PDE1C: variants seen among roughly 807,000 people sequenced by gnomAD.
The protein encoded by PDE1C is phosphodiesterase 1C.
PDE1C carries 62 observed loss-of-function variants against 93.1 expected under a neutral mutation model. That is an observed-to-expected ratio of 0.67 (90% confidence interval 0.54 to 0.82). The LOEUF is 0.82. Ranked by LOEUF, PDE1C falls within the 40% of genes least tolerant of loss-of-function variation. The pLI, the probability that PDE1C is intolerant of heterozygous loss-of-function variation, is 0.00. For missense variants in PDE1C, 742 were observed against 884.6 expected (o/e 0.84, Z 2.04); for synonymous variants, 325 against 310.1 (o/e 1.05, Z -0.50).
intron 3 of PDE1C, among the ~76,000 whole-genome samples, chr7:32,076,756 C>T (rs1392152211): frequency 6.6e-6 from 1 of 151,818 alleles, no homozygotes; most frequent in Admixed American, 6.6e-5. Flanking sequence ...GTCCATTGAG[C>T]CCCCTGATCC....
At chr7:31,719,259 G>T in the PDE1C span, among the ~76,000 whole-genome samples, 1 of 152,178 alleles carries the variant, frequency 6.6e-6, no homozygotes, top group East Asian at 1.9e-4. Flanking sequence ...ACTCGAGATG[G>T]ACCTCGCAAG....
chr7:31,951,976 A>G (rs112516936), intron 2 of PDE1C, among the ~76,000 whole-genome samples: 1 of 152,160 alleles, frequency 6.6e-6, no homozygotes, highest in Non-Finnish European at 1.5e-5. Flanking sequence ...AAAAGCTACA[A>G]ATTTGTGAGT....
At chr7:31,959,199 G>GTTGT (rs138410002) in intron 2 of PDE1C, among the ~76,000 whole-genome samples, 2,861 of 151,624 alleles carry the variant, frequency 0.019, 85 homozygotes, top group African/African-American at 0.063. Context: ...TTTTTGTTTT[G>GTTGT]TTGTTTGTTT....
At chr7:31,791,083 C>G (rs1178724439) in intron 16 of PDE1C, among the ~76,000 whole-genome samples, 1 of 152,038 alleles carries the variant, frequency 6.6e-6, no homozygotes, top group African/African-American at 2.4e-5. Context: ...ATGTTAGAAG[C>G]CTTTACAGGA....
intron 16 of PDE1C, among the ~76,000 whole-genome samples, chr7:31,779,605 G>C (rs1783247924): frequency 6.6e-6 from 1 of 152,148 alleles, no homozygotes; most frequent in Non-Finnish European, 1.5e-5. Flanking sequence ...TATCAGGACA[G>C]GGATGAAGCC....
chr7:32,299,936 C>CA (rs1812841402), upstream of PDE1C, among the ~76,000 whole-genome samples: 1 of 152,188 alleles, frequency 6.6e-6, no homozygotes, highest in Non-Finnish European at 1.5e-5. Context: ...TGTGAGACTA[C>CA]AATTAATTTA....
At chr7:31,998,920 C>T (rs1018757791) in intron 2 of PDE1C, among the ~76,000 whole-genome samples, 1 of 152,210 alleles carries the variant, frequency 6.6e-6, no homozygotes, top group Non-Finnish European at 1.5e-5. Flanking sequence ...CAGGTCACAG[C>T]TGAGGTTGCT....
chr7:31,656,368 TAG>T, the PDE1C span: 278 of 349,358 alleles, frequency 8.0e-4, 2 homozygotes, highest in East Asian at 0.021. Context: ...AAAAACAACA[TAG>T]AGTTGTTGGA....
At chr7:31,806,744 C>A (rs1471593349) in intron 16 of PDE1C, among the ~76,000 whole-genome samples, 1 of 151,884 alleles carries the variant, frequency 6.6e-6, no homozygotes, top group Non-Finnish European at 1.5e-5. Context: ...TACCCAGATA[C>A]TCCCTCTCAA....
chr7:32,123,474 CA>C (rs1799408850), intron 3 of PDE1C, among the ~76,000 whole-genome samples: 1 of 151,676 alleles, frequency 6.6e-6, no homozygotes, highest in Non-Finnish European at 1.5e-5. Flanking sequence ...AAAACACCGG[CA>C]AACCACTGGC....
the PDE1C span, chr7:31,692,618 C>A: frequency 8.6e-7 from 1 of 1,162,818 alleles, no homozygotes; most frequent in Non-Finnish European, 1.3e-6. Flanking sequence ...AGAGGGCACC[C>A]CCCGAAACCT....
chr7:31,665,508 ATACT>A, the PDE1C span, among the ~76,000 whole-genome samples: 2 of 152,216 alleles, frequency 1.3e-5, no homozygotes, highest in Non-Finnish European at 2.9e-5. Flanking sequence ...ATTTCATAAG[ATACT>A]TAATTAATAT....
At chr7:31,694,914 A>G in the PDE1C span, among the ~76,000 whole-genome samples, 14 of 152,306 alleles carry the variant, frequency 9.2e-5, no homozygotes, top group Non-Finnish European at 1.8e-4. Flanking sequence ...GGATGGGCAA[A>G]TAGGAGGGTT....
the PDE1C span, among the ~76,000 whole-genome samples, chr7:31,699,264 T>C: frequency 1.3e-5 from 2 of 152,126 alleles, no homozygotes; most frequent in Non-Finnish European, 2.9e-5. Flanking sequence ...CATTTAACAC[T>C]GAGTCAACTG....
At chr7:31,895,311 A>T (rs1799141953) in intron 2 of PDE1C, among the ~76,000 whole-genome samples, 1 of 152,122 alleles carries the variant, frequency 6.6e-6, no homozygotes, top group Non-Finnish European at 1.5e-5. Context: ...GAACAGGGAC[A>T]AGCTGGTGGG....
chr7:31,985,176 A>G (rs1783210137), intron 2 of PDE1C, among the ~76,000 whole-genome samples: 2 of 152,326 alleles, frequency 1.3e-5, no homozygotes, highest in East Asian at 3.9e-4. Context: ...AGTAAGCAGT[A>G]CCATAGCAGT....
intron 3 of PDE1C, among the ~76,000 whole-genome samples, chr7:32,139,162 G>T (rs1277924226): frequency 2.6e-5 from 4 of 152,012 alleles, no homozygotes; most frequent in Non-Finnish European, 5.9e-5. Flanking sequence ...TAGAAATAGG[G>T]TCTTTCTCCA....
chr7:32,075,268 C>G (rs1796285965), upstream of PDE1C, among the ~76,000 whole-genome samples: 1 of 152,174 alleles, frequency 6.6e-6, no homozygotes, highest in African/African-American at 2.4e-5. Context: ...CTCCATGAAG[C>G]CAGCCTATGC....
intron 1 of PDE1C, among the ~76,000 whole-genome samples, chr7:32,253,901 T>C (rs1198783962): frequency 2.6e-5 from 4 of 152,108 alleles, no homozygotes; most frequent in East Asian, 1.9e-4. Context: ...ACTTTTAAAA[T>C]AGGAAAAGGG....
Sources: allele counts gnomAD v4.1 joint callset (sites outside exome capture counted in the v4.1 genomes callset), GRCh38; gene constraint gnomAD v4.1.1; transcripts MANE v1.5; gene names NCBI Gene and HGNC (gene_info 2026-07-23, HGNC 2026-07-21).